FARP2: variants seen among roughly 807,000 people sequenced by gnomAD.
FARP2 encodes the protein FERM, ARH/RhoGEF and pleckstrin domain protein 2, also known as FERM, ARHGEF and pleckstrin domain-containing protein 2.
Under a neutral mutation model 130.5 loss-of-function variants are expected in FARP2, and 111 were observed. That is an observed-to-expected ratio of 0.85 (90% confidence interval 0.73 to 1.00). The LOEUF is 1.00. FARP2 is among the 50% of genes least tolerant of loss of function. FARP2 has a pLI of 0.00. For synonymous variants in FARP2, 504 were observed against 516.9 expected (o/e 0.98, Z 0.34); for missense variants, 1,385 against 1,346.3 (o/e 1.03, Z -0.45).
At chr2:241,407,420 A>G in intron 4 of FARP2, 117 bp from the exon 5 acceptor site, 1 of 766,518 alleles carries the variant, frequency 1.3e-6, no homozygotes, top group African/African-American at 1.7e-5. Flanking sequence ...TATTATTTGA[A>G]AAGATTTGCT....
At chr2:241,366,104 A>AAAATAT (rs61355096) in intron 1 of FARP2, among the ~76,000 whole-genome samples, 14 of 57,006 alleles carry the variant, frequency 2.5e-4, no homozygotes, top group South Asian at 6.3e-4. Flanking sequence ...AAAAAAAAAA[A>AAAATAT]ATATATATAT....
At chr2:241,402,911 T>TTTG (rs2062231916) in intron 2 of FARP2, among the ~76,000 whole-genome samples, 2 of 93,888 alleles carry the variant, frequency 2.1e-5, no homozygotes, top group Non-Finnish European at 2.0e-5. Flanking sequence ...TTTTTTTTTT[T>TTTG]GTAGAGACAG....
intron 13 of FARP2, chr2:241,442,406 C>G (rs1028990457): frequency 2.2e-6 from 1 of 456,552 alleles, no homozygotes; most frequent in Non-Finnish European, 4.4e-6. Flanking sequence ...ACCGAGGCCC[C>G]CCTAGACATA....
rs747406898 is a variant in FARP2, at chr2:241,431,755, A to C, written c.848A>C (p.Lys283Thr). The C allele has an allele frequency of 1.3e-6, 2 of 1,531,410 alleles. No individual in the cohort carries two copies. The highest frequency in any genetic ancestry group is 9.0e-7 in the Non-Finnish European group (1 of 1,109,238). 94.9% of individuals were successfully genotyped at this position (1,531,410 alleles called of 1,614,324 possible). A position where few individuals can be genotyped will look rare whatever the true frequency, so the allele number is the denominator to read the frequency against. Residue 283 changes from lysine to threonine, a missense_variant, in exon 9 of 27, where the codon AAA becomes ACA. Coordinates refer to ENST00000264042, the MANE Select transcript of FARP2 (RefSeq NM_014808.4). ...LSFKRKRFLI[K>T]LHPEVHGPYQ... ...TTCAAGAGGAAAAGATTTCTTATCA[A>C]ACTTCATCCAGAGGTTCATGTAAGT...
chr2:241,365,225 C>T (rs1303762660), intron 1 of FARP2, among the ~76,000 whole-genome samples: 1 of 152,124 alleles, frequency 6.6e-6, no homozygotes, highest in Admixed American at 6.6e-5. Flanking sequence ...AATCAAAGCC[C>T]ATGTATACAG....
intron 24 of FARP2, 185 bp from the exon 25 acceptor site, chr2:241,492,744 T>C: frequency 1.8e-6 from 1 of 560,406 alleles, no homozygotes; most frequent in Non-Finnish European, 3.2e-6. Context: ...AATGTCACTC[T>C]AGGTTTTTAA....
rs948735847 is a variant in FARP2, at chr2:241,433,568, G to A, written c.868-590G>A. On this transcript the variant is annotated intron_variant, in intron 9 of 26. Coordinates refer to ENST00000264042, the MANE Select transcript of FARP2 (RefSeq NM_014808.4). ...GTCAGTTGGCATGAAAAATGCCAAG[G>A]CTAGGTAGAAAAAGTGTTTACAAAG... 3.9e-5 allele frequency among the ~76,000 whole-genome samples: 6 copies of A among 152,186 alleles called. No individual in the cohort carries two copies. In the South Asian group the frequency reaches 6.2e-4, roughly 16 times the overall value.
chr2:241,493,941 G>C, intron 26 of FARP2, 67 bp from the exon 27 acceptor site: 1 of 1,009,894 alleles, frequency 9.9e-7, no homozygotes, highest in Non-Finnish European at 1.4e-6. Flanking sequence ...CCATATCCTG[G>C]GTTGTTCTTG....
At chr2:241,356,458 G>A (rs2061065858) in intron 1 of FARP2, 70 bp downstream of exon 1, 1 of 152,262 alleles carries the variant, frequency 6.6e-6, no homozygotes. Flanking sequence ...CGAAGCCCGA[G>A]GCCCGAGGCG....
At chr2:241,366,140 C>CGTATATAT (rs1559702356) in intron 1 of FARP2, among the ~76,000 whole-genome samples, 1 of 17,992 alleles carries the variant, frequency 5.6e-5, no homozygotes, top group Admixed American at 7.7e-4. Flanking sequence ...TATATATATA[C>CGTATATAT]ACACACACAT....
chr2:241,463,723 C>G, intron 16 of FARP2, 176 bp from the exon 17 acceptor site: 1 of 682,052 alleles, frequency 1.5e-6, no homozygotes, highest in South Asian at 1.9e-5. Context: ...AGAGAATGGC[C>G]AGACACATAA....
At chr2:241,449,514 A>G (rs1243909112) in intron 13 of FARP2, among the ~76,000 whole-genome samples, 1 of 144,696 alleles carries the variant, frequency 6.9e-6, no homozygotes, top group African/African-American at 2.5e-5. Flanking sequence ...AATAAAAATA[A>G]CTTTACCTTT....
chr2:241,463,762 C>T (rs1160798704), intron 16 of FARP2, 137 bp from the exon 17 acceptor site: 1 of 784,716 alleles, frequency 1.3e-6, no homozygotes, highest in African/African-American at 1.7e-5. Context: ...GCAGGCCCTG[C>T]CCTGCGGCCT....
At chr2:241,478,959 C>T in intron 19 of FARP2, 1 of 415,070 alleles carries the variant, frequency 2.4e-6, no homozygotes, top group South Asian at 3.2e-5. Context: ...AGAAAGAAGG[C>T]CAAGATTTTG....
intron 2 of FARP2, among the ~76,000 whole-genome samples, chr2:241,375,870 G>A (rs1401764648): frequency 6.6e-6 from 1 of 152,106 alleles, no homozygotes; most frequent in Non-Finnish European, 1.5e-5. Context: ...TAGGACTACA[G>A]GTGTGAGCCA....
rs372081968 is a variant in FARP2 at position 241,441,483 on chromosome 2, T to A, written c.1338T>A (p.Ser446Arg). 37 of 1,613,948 alleles carry A rather than the reference T, an allele frequency of 2.3e-5. No individual in the cohort carries two copies. Among genetic ancestry groups the A allele is most frequent in the Non-Finnish European group, 3.1e-5 (37 of 1,179,964 alleles). The change falls in exon 13 of 27, where the codon AGT (serine) becomes AGA (arginine). Residue 446 changes from serine (S) to arginine (R), a missense_variant. Transcript: ENST00000264042. ...AGAGTCCAGCTGCAGAGAGGCGCAG[T>A]GGAGCAGTGGCTGGAGGCCCCGACA... ...YVKSPAAERR[S>R]GAVAGGPDTP...
intron 19 of FARP2, chr2:241,478,504 C>T (rs933966231): frequency 5.8e-6 from 2 of 342,624 alleles, no homozygotes; most frequent in Non-Finnish European, 1.2e-5. Context: ...ACCTGAAATA[C>T]TTCCTGTACT....
chr2:241,361,488 TGAAGGG>T (rs2061185138), intron 1 of FARP2, among the ~76,000 whole-genome samples: 1 of 152,136 alleles, frequency 6.6e-6, no homozygotes, highest in Non-Finnish European at 1.5e-5. Context: ...CTACCTGACA[TGAAGGG>T]GAAGAGGAAC....
intron 17 of FARP2, among the ~76,000 whole-genome samples, chr2:241,467,901 C>T (rs561282565): frequency 1.3e-5 from 2 of 152,264 alleles, no homozygotes; most frequent in South Asian, 2.1e-4. Context: ...GATATGGGGC[C>T]GGTTAGTGGT....
Sources: allele counts gnomAD v4.1 joint callset (sites outside exome capture counted in the v4.1 genomes callset), GRCh38; gene constraint gnomAD v4.1.1; transcripts MANE v1.5; gene names NCBI Gene and HGNC (gene_info 2026-07-23, HGNC 2026-07-21).